Variants in CEP63 observed in about 807,000 individuals in gnomAD.
CEP63 encodes centrosomal protein of 63 kDa.
Under a neutral mutation model 89.1 loss-of-function variants are expected in CEP63, and 84 were observed. The observed-to-expected ratio is 0.94, with a 90% CI of 0.79 to 1.13. The LOEUF (loss-of-function observed/expected upper bound fraction) is 1.13. Among genes scored for constraint, CEP63 ranks in the 50% most tolerant of loss-of-function variants. The probability of loss-of-function intolerance (pLI) is 0.00; values close to 1 mark genes in which losing one functional copy is unlikely to be tolerated. For synonymous variants in CEP63, 267 were observed against 272.5 expected (o/e 0.98, Z 0.20); for missense variants, 838 against 813.3 (o/e 1.03, Z -0.37).
At chr3:134,577,587 C>G (rs990170037), downstream of CEP63, among the ~76,000 whole-genome samples, 1 of 151,864 alleles carries the variant, frequency 6.6e-6, no homozygotes, top group African/African-American at 2.4e-5. Context: ...GCCACCATGC[C>G]TGGCTAATTT....
chr3:134,739,940 G>A, the CEP63 span, among the ~76,000 whole-genome samples: 1 of 152,274 alleles, frequency 6.6e-6, no homozygotes, highest in East Asian at 1.9e-4. Context: ...GGACACCGGT[G>A]TACTTGTTCT....
chr3:134,501,993 G>A (rs2108275645), intron 2 of CEP63, among the ~76,000 whole-genome samples: 1 of 152,178 alleles, frequency 6.6e-6, no homozygotes, highest in Middle Eastern at 3.4e-3. Flanking sequence ...ACTATTTTGA[G>A]GTCGGTTCCT....
chr3:134,608,907 C>T, the CEP63 span: 252 of 1,528,412 alleles, frequency 1.6e-4, no homozygotes, highest in Middle Eastern at 4.4e-4. Context: ...ATACACCCAC[C>T]GGAGTGGTCC....
chr3:134,740,057 T>C, the CEP63 span, among the ~76,000 whole-genome samples: 119 of 152,232 alleles, frequency 7.8e-4, 1 homozygote, highest in East Asian at 0.022. Context: ...TGCTGTCTCC[T>C]GGGCTAGGCA....
chr3:134,507,078 TG>T (rs756434510), intron 2 of CEP63, 30 bp from the exon 3 acceptor site: 2 of 1,585,404 alleles, frequency 1.3e-6, no homozygotes, highest in African/African-American at 1.3e-5. Flanking sequence ...ACATATCTTC[TG>T]TTTTTTTAAT....
At chr3:134,720,324 AT>A in the CEP63 span, among the ~76,000 whole-genome samples, 1 of 152,090 alleles carries the variant, frequency 6.6e-6, no homozygotes, top group East Asian at 1.9e-4. Flanking sequence ...TCTTTTTAAT[AT>A]TGAGTTATAA....
the CEP63 span, chr3:134,755,785 T>A: frequency 6.6e-6 from 1 of 152,286 alleles, no homozygotes; most frequent in Non-Finnish European, 1.5e-5. Context: ...GAGTGTTTGA[T>A]GGCAGAAAGA....
the CEP63 span, among the ~76,000 whole-genome samples, chr3:134,756,561 C>T: frequency 6.6e-6 from 1 of 152,086 alleles, no homozygotes; most frequent in Admixed American, 6.5e-5. Context: ...GACATGTTGC[C>T]CAGGCTGGTC....
chr3:134,649,252 G>C, the CEP63 span, among the ~76,000 whole-genome samples: 3 of 152,180 alleles, frequency 2.0e-5, no homozygotes, highest in Non-Finnish European at 4.4e-5. Context: ...ATAGTCACTA[G>C]TGTGCATACA....
At chr3:134,667,091 G>C in the CEP63 span, among the ~76,000 whole-genome samples, 1 of 152,222 alleles carries the variant, frequency 6.6e-6, no homozygotes, top group East Asian at 1.9e-4. Context: ...ACCAGTGCCA[G>C]ATCCACAACA....
At chr3:134,722,907 C>G in the CEP63 span, among the ~76,000 whole-genome samples, 1 of 152,158 alleles carries the variant, frequency 6.6e-6, no homozygotes, top group Non-Finnish European at 1.5e-5. Flanking sequence ...TGGATAAAAA[C>G]AGTGGAGCAG....
intron 3 of CEP63, among the ~76,000 whole-genome samples, chr3:134,516,960 T>G (rs1345477995): frequency 6.6e-6 from 1 of 152,178 alleles, no homozygotes; most frequent in African/African-American, 2.4e-5. Flanking sequence ...GAGTTAATAC[T>G]CTTAGATCTT....
chr3:134,553,914 A>C (rs1461058181), intron 12 of CEP63, among the ~76,000 whole-genome samples: 1 of 54,734 alleles, frequency 1.8e-5, no homozygotes, highest in Non-Finnish European at 3.4e-5. Context: ...GCAATATCCA[A>C]AATTTTGAAA....
intron 3 of CEP63, among the ~76,000 whole-genome samples, chr3:134,512,972 T>A (rs1945342413): frequency 6.6e-6 from 1 of 152,238 alleles, no homozygotes; most frequent in African/African-American, 2.4e-5. Flanking sequence ...TACCTACCAT[T>A]GATTCTTTCT....
the CEP63 span, among the ~76,000 whole-genome samples, chr3:134,648,717 C>G: frequency 6.6e-6 from 1 of 152,090 alleles, no homozygotes; most frequent in Non-Finnish European, 1.5e-5. Flanking sequence ...TCTTTTCTTC[C>G]AGCAGAAGGG....
the CEP63 span, among the ~76,000 whole-genome samples, chr3:134,621,410 C>T: frequency 1.3e-5 from 2 of 152,116 alleles, no homozygotes; most frequent in African/African-American, 4.8e-5. Flanking sequence ...AGAAATGGAC[C>T]CACATATCTA....
At chr3:134,503,079 G>A (rs1942456157) in intron 2 of CEP63, among the ~76,000 whole-genome samples, 1 of 139,758 alleles carries the variant, frequency 7.2e-6, no homozygotes, top group Non-Finnish European at 1.5e-5. Flanking sequence ...GGTCTGAGAA[G>A]ATACTTGGTG....
chr3:134,510,306 A>G (rs1944534228), intron 3 of CEP63, among the ~76,000 whole-genome samples: 1 of 152,162 alleles, frequency 6.6e-6, no homozygotes, highest in African/African-American at 2.4e-5. Context: ...TAATTTGTGA[A>G]ATGTTTTATC....
At chr3:134,748,770 A>G in the CEP63 span, among the ~76,000 whole-genome samples, 1 of 152,194 alleles carries the variant, frequency 6.6e-6, no homozygotes, top group African/African-American at 2.4e-5. Flanking sequence ...AAGTGCAAAC[A>G]TGTGACCCTG....
Sources: allele counts gnomAD v4.1 joint callset (sites outside exome capture counted in the v4.1 genomes callset), GRCh38; gene constraint gnomAD v4.1.1; transcripts MANE v1.5; gene names NCBI Gene and HGNC (gene_info 2026-07-23, HGNC 2026-07-21).